The following KCND3 variants were observed in gnomAD, a reference collection of about 807,000 sequenced individuals.
The protein encoded by KCND3 is potassium voltage-gated channel subfamily D member 3, also known as A-type voltage-gated potassium channel KCND3.
A neutral mutation model predicts 51.1 loss-of-function variants in KCND3; 9 were observed. The ratio of observed to expected loss-of-function variants is 0.18; its 90% CI spans 0.11 to 0.31. The LOEUF is 0.31. KCND3 is among the 10% of genes least tolerant of loss of function. KCND3 has a pLI of 1.00. For synonymous variants in KCND3, 349 were observed against 368.0 expected (o/e 0.95, Z 0.59); for missense variants, 526 against 903.8 (o/e 0.58, Z 5.36).
chr1:111,890,365 C>G (rs1334584200), intron 2 of KCND3, among the ~76,000 whole-genome samples: 1 of 152,192 alleles, frequency 6.6e-6, no homozygotes, highest in Non-Finnish European at 1.5e-5. Context: ...GGCGTCAAAG[C>G]TGACTCTAAG....
At chr1:111,809,239 G>C (rs1665720510) in intron 2 of KCND3, among the ~76,000 whole-genome samples, 1 of 152,166 alleles carries the variant, frequency 6.6e-6, no homozygotes, top group South Asian at 2.1e-4. Context: ...TGATTAGTAA[G>C]AGCCCAAGGG....
At chr1:111,806,242 A>G (rs982249988) in intron 2 of KCND3, among the ~76,000 whole-genome samples, 4 of 152,234 alleles carry the variant, frequency 2.6e-5, no homozygotes, top group African/African-American at 9.6e-5. Context: ...GAGTGTCTGC[A>G]CAGCCTGGCC....
At chr1:111,777,516 C>T (rs1177211643) in intron 6 of KCND3, among the ~76,000 whole-genome samples, 1 of 152,202 alleles carries the variant, frequency 6.6e-6, no homozygotes, top group Non-Finnish European at 1.5e-5. Context: ...GTTGTGAAAT[C>T]ATGATGTGAC....
At chr1:111,838,335 T>A (rs1223010744) in intron 2 of KCND3, among the ~76,000 whole-genome samples, 1 of 152,246 alleles carries the variant, frequency 6.6e-6, no homozygotes, top group African/African-American at 2.4e-5. Flanking sequence ...TTCCCAGGTA[T>A]GTGCTATGGA....
chr1:111,849,761 G>A (rs1352534567), intron 2 of KCND3, among the ~76,000 whole-genome samples: 3 of 152,188 alleles, frequency 2.0e-5, no homozygotes, highest in Non-Finnish European at 4.4e-5. Flanking sequence ...TCAACCTAGT[G>A]TCTTTTTGCT....
intron 2 of KCND3, among the ~76,000 whole-genome samples, chr1:111,807,050 C>G (rs1166713865): frequency 6.6e-6 from 1 of 152,200 alleles, no homozygotes; most frequent in African/African-American, 2.4e-5. Context: ...TTAAAATCCT[C>G]TCTGGAGGAA....
Position 111,780,811 on chromosome 1 carries a change from TA to T in KCND3, c.1270-21del. Reference sequence around the variant, plus strand: ...GGCCTTCTGTGATTGGCAGAGATAATAAAAGAATGAGGCAGACCATGATACA... The same window carrying T: ...GGCCTTCTGTGATTGGCAGAGATAATAAAGAATGAGGCAGACCATGATACA... On this transcript the variant is annotated intron_variant, in intron 3 of 7. Coordinates refer to ENST00000302127, the MANE Select transcript of KCND3 (RefSeq NM_001378969.1). The surrounding 1 kb of genome is among the most constrained non-coding windows in gnomAD (Gnocchi z 4.2). 1 of 1,593,884 alleles carries T rather than the reference TA, an allele frequency of 6.3e-7. No homozygotes were observed. Among genetic ancestry groups the T allele is most frequent in the Non-Finnish European group, 8.6e-7 (1 of 1,165,384 alleles).
Position 111,872,768 on chromosome 1 carries a change from T to C in KCND3, c.1107-85662A>G, listed in dbSNP as rs180865647. On this transcript the variant is annotated intron_variant, in intron 2 of 7. Coordinates refer to ENST00000302127, the MANE Select transcript of KCND3 (RefSeq NM_001378969.1). ...CCGTGAGAGAGAAAATTATGATCAA[T>C]TCCACTTCAGGCCCTTTAAGTTGGC... Among the ~76,000 whole-genome samples the C allele has an allele frequency of 1.5e-4, 23 of 152,170 alleles. No homozygotes were observed. In the East Asian group the frequency reaches 4.5e-3, roughly 29 times the overall value.
chr1:111,790,602 C>A (rs143233463), intron 2 of KCND3, among the ~76,000 whole-genome samples: 19 of 152,300 alleles, frequency 1.2e-4, no homozygotes, highest in Non-Finnish European at 2.2e-4. Flanking sequence ...AAAATCCAAC[C>A]ATTTAAATTA....
intron 2 of KCND3, among the ~76,000 whole-genome samples, chr1:111,840,833 G>T (rs1012486845): frequency 6.6e-6 from 1 of 152,182 alleles, no homozygotes; most frequent in African/African-American, 2.4e-5. Context: ...GGATGACGTG[G>T]CTGCTCCTCT....
chr1:111,939,815 T>C (rs1385648624), intron 2 of KCND3, among the ~76,000 whole-genome samples: 1 of 152,250 alleles, frequency 6.6e-6, no homozygotes, highest in Non-Finnish European at 1.5e-5. Context: ...TCTTCCACAA[T>C]GGTTGAACTA....
Position 111,778,356 on chromosome 1 carries a change from C to T in KCND3, c.1518+80G>A, listed in dbSNP as rs573631923. ...CAGCAGCACATGCACAGAACCAGGC[C>T]GGGGGGTAAAAAGGGGAGAATCCAC... On this transcript the variant is annotated intron_variant, in intron 6 of 7. Coordinates refer to ENST00000302127, the MANE Select transcript of KCND3 (RefSeq NM_001378969.1). The T allele has an allele frequency of 1.4e-4, 190 of 1,331,120 alleles. No homozygotes were observed. The African/African-American group carries it at 2.3e-3, about 16-fold the overall frequency. 82.5% of individuals were successfully genotyped at this position (1,331,120 alleles called of 1,614,324 possible).
chr1:111,794,976 C>T (rs924168483), intron 2 of KCND3, among the ~76,000 whole-genome samples: 18 of 152,170 alleles, frequency 1.2e-4, no homozygotes, highest in Non-Finnish European at 2.4e-4. Context: ...GTTATCTGGC[C>T]CAAAGCTATG....
chr1:111,801,073 C>T (rs1452360186), intron 2 of KCND3, among the ~76,000 whole-genome samples: 1 of 152,218 alleles, frequency 6.6e-6, no homozygotes, highest in African/African-American at 2.4e-5. Context: ...AGCCTTCTCC[C>T]CGGGGCTGCT....
intron 2 of KCND3, among the ~76,000 whole-genome samples, chr1:111,895,552 G>T (rs760955957): frequency 1.3e-5 from 2 of 152,204 alleles, no homozygotes; most frequent in Admixed American, 6.5e-5. Context: ...TCATTTTCTC[G>T]TCCCCGGGGA....
At chr1:111,903,666 C>A (rs1460080689) in intron 2 of KCND3, among the ~76,000 whole-genome samples, 1 of 152,244 alleles carries the variant, frequency 6.6e-6, no homozygotes, top group Non-Finnish European at 1.5e-5. Flanking sequence ...GCCAGGCTGG[C>A]TGCATACTCC....
intron 3 of KCND3, among the ~76,000 whole-genome samples, chr1:111,781,586 C>G (rs923613618): frequency 2.0e-5 from 3 of 152,218 alleles, no homozygotes; most frequent in African/African-American, 7.2e-5. Context: ...GTAGCGTGAT[C>G]TCGGCTCACT....
At chr1:111,809,153 G>A (rs189336843) in intron 2 of KCND3, among the ~76,000 whole-genome samples, 12 of 152,314 alleles carry the variant, frequency 7.9e-5, no homozygotes, top group African/African-American at 1.9e-4. Flanking sequence ...GCCCTGGGCC[G>A]CTGTTGAAGG....
At chr1:111,899,455 G>A (rs1670279178) in intron 2 of KCND3, among the ~76,000 whole-genome samples, 1 of 152,208 alleles carries the variant, frequency 6.6e-6, no homozygotes, top group African/African-American at 2.4e-5. Context: ...GGGAGGCAAG[G>A]TGGCCCTGGC....
Sources: allele counts gnomAD v4.1 joint callset (sites outside exome capture counted in the v4.1 genomes callset), GRCh38; gene constraint gnomAD v4.1.1; non-coding constraint Gnocchi (gnomAD v3.1); transcripts MANE v1.5; gene names NCBI Gene and HGNC (gene_info 2026-07-23, HGNC 2026-07-21).